Variants in PSTPIP1 observed in about 807,000 individuals in gnomAD.
PSTPIP1 encodes the protein proline-serine-threonine phosphatase-interacting protein 1.
A neutral mutation model predicts 69.6 loss-of-function variants in PSTPIP1; 66 were observed. That is an observed-to-expected ratio of 0.95 (90% CI 0.78 to 1.16). PSTPIP1 has a LOEUF of 1.16. Ranked by LOEUF, PSTPIP1 falls within the 50% of genes most tolerant of loss-of-function variation. The pLI is 0.00. For synonymous variants in PSTPIP1, 266 were observed against 222.7 expected (o/e 1.19, Z -1.73); for missense variants, 603 against 557.4 (o/e 1.08, Z -0.82).
chr15:77,014,529 G>C (rs2076011198), intron 1 of PSTPIP1, among the ~76,000 whole-genome samples: 2 of 152,222 alleles, frequency 1.3e-5, no homozygotes, highest in South Asian at 4.1e-4. Context: ...CCCGAAAGGG[G>C]GTTAGCCTCC....
rs1471701188 is a variant in PSTPIP1, at chr15:76,995,137, C to T, written c.-437C>T. On this transcript the variant is annotated 5_prime_UTR_variant, in exon 1 of 15. Transcript: ENST00000558012. ...GGGGGAGGTTGCACAAACCTTCCTG[C>T]GCAGGCCTCGGGCTGCCTGCCTGCC... 6 of 1,136,974 alleles carry T rather than the reference C, an allele frequency of 5.3e-6. No individual in the cohort carries two copies. Among genetic ancestry groups the T allele is most frequent in the African/African-American group, 1.6e-5 (1 of 61,454 alleles). 70.4% of individuals were successfully genotyped at this position (1,136,974 alleles called of 1,614,324 possible).
intron 3 of PSTPIP1, among the ~76,000 whole-genome samples, chr15:77,019,773 G>C (rs1047179152): frequency 6.6e-6 from 1 of 152,214 alleles, no homozygotes; most frequent in Non-Finnish European, 1.5e-5. Flanking sequence ...GCTGGGCACA[G>C]AGGAGGGCTC....
intron 1 of PSTPIP1, among the ~76,000 whole-genome samples, chr15:77,012,700 G>A (rs551995481): frequency 6.6e-5 from 10 of 152,188 alleles, no homozygotes; most frequent in East Asian, 1.9e-4. Flanking sequence ...CTCTGTTTCC[G>A]TATCTATACA....
intron 1 of PSTPIP1, among the ~76,000 whole-genome samples, chr15:76,998,739 C>T (rs897856893): frequency 2.0e-5 from 3 of 152,220 alleles, no homozygotes; most frequent in African/African-American, 7.2e-5. Flanking sequence ...TGGGAGCAGA[C>T]ACAGTCCTGT....
intron 5 of PSTPIP1, among the ~76,000 whole-genome samples, chr15:77,026,596 C>T (rs540442170): frequency 6.6e-6 from 1 of 152,218 alleles, no homozygotes; most frequent in Non-Finnish European, 1.5e-5. Context: ...CCAAGCCATG[C>T]GCCCCTCAGT....
rs374682350 is a variant in PSTPIP1, at chr15:77,035,856, C to T, written c.1040C>T (p.Ala347Val). 4 of 1,610,726 alleles carry T rather than the reference C, an allele frequency of 2.5e-6. No homozygotes were observed. The highest frequency in any genetic ancestry group is 1.7e-6 in the Non-Finnish European group (2 of 1,179,668). Residue 347 changes from alanine (A) to valine (V), a missense_variant, in exon 14 of 15, where the codon GCC (alanine) becomes GTC (valine). Transcript: ENST00000558012. ...GAGCGGAATGAGGGTGTCTACACAG[C>T]CATCGCAGTGCAGGAGATACAGGGA... The part of the protein sequence containing the change: ...TPERNEGVYT[A>V]IAVQEIQGNP...
At chr15:77,033,504 A>G (rs376017101) in intron 12 of PSTPIP1, among the ~76,000 whole-genome samples, 1 of 152,194 alleles carries the variant, frequency 6.6e-6, no homozygotes, top group African/African-American at 2.4e-5. Context: ...GACGAAGGTG[A>G]CAGCCCATTG....
At chr15:76,999,692 G>A (rs937389978) in intron 1 of PSTPIP1, 1 of 152,242 alleles carries the variant, frequency 6.6e-6, no homozygotes, top group Admixed American at 6.5e-5. Context: ...TCAGATGAAT[G>A]AAACTGTCTT....
At chr15:77,009,998 G>T (rs537444496) in intron 1 of PSTPIP1, among the ~76,000 whole-genome samples, 1 of 152,322 alleles carries the variant, frequency 6.6e-6, no homozygotes, top group East Asian at 1.9e-4. Flanking sequence ...TGCTCTTCCT[G>T]TGAAGACGCC....
Position 77,027,938 on chromosome 15 carries a change from C to T in PSTPIP1, c.417+24C>T, listed in dbSNP as rs1282581740. ...AGGTGAGCGCCAGGGCCTGGGGCCG[C>T]GGCCTTCCCTCGAGGAGCAGCGCAG... On this transcript the variant is annotated intron_variant, in intron 6 of 14. Transcript: ENST00000558012. The surrounding 1 kb of genome is among the most constrained non-coding windows in gnomAD (Gnocchi z 4.3). 1.3e-6 allele frequency: 2 copies of T among 1,537,554 alleles called. No individual in the cohort carries two copies. Among genetic ancestry groups the T allele is most frequent in the South Asian group, 2.4e-5 (2 of 83,730 alleles).
intron 1 of PSTPIP1, among the ~76,000 whole-genome samples, chr15:77,001,908 G>A (rs1303052156): frequency 2.0e-5 from 3 of 152,172 alleles, no homozygotes; most frequent in Non-Finnish European, 4.4e-5. Context: ...GGCTGTGAAC[G>A]TTTTCAGGAT....
intron 5 of PSTPIP1, 39 bp downstream of exon 5, chr15:77,025,643 T>C (rs12906071): frequency 1.3e-6 from 2 of 1,494,210 alleles, no homozygotes; most frequent in Non-Finnish European, 1.8e-6. Flanking sequence ...TGCTCCCCCA[T>C]TGCCAGCCTC....
intron 3 of PSTPIP1, among the ~76,000 whole-genome samples, chr15:77,022,693 G>A (rs2076185503): frequency 6.6e-6 from 1 of 152,222 alleles, no homozygotes; most frequent in Non-Finnish European, 1.5e-5. Context: ...ACAGAGCTGA[G>A]GCTGCCTCCT....
chr15:77,012,817 C>A (rs1040286960), intron 1 of PSTPIP1, among the ~76,000 whole-genome samples: 1 of 152,232 alleles, frequency 6.6e-6, no homozygotes, highest in African/African-American at 2.4e-5. Flanking sequence ...AATCTGCAAG[C>A]AAATGATCTG....
Position 77,032,285 on chromosome 15 carries a change from T to C in PSTPIP1, c.742-13T>C. ...GGGCATCGGGCTGCGGCCTCTGCTC[T>C]TTCCTGCCCCAGCTCTACGAGGAAG... is the stretch of plus-strand genomic sequence containing the variant. On this transcript the variant is annotated splice_polypyrimidine_tract_variant and intron_variant, in intron 10 of 14. Transcript: ENST00000558012. The C allele has an allele frequency of 1.2e-6, 2 of 1,611,968 alleles. No homozygotes were observed. Among genetic ancestry groups the C allele is most frequent in the Non-Finnish European group, 1.7e-6 (2 of 1,179,370 alleles).
At chr15:77,036,025 T>G in intron 14 of PSTPIP1, 90 bp downstream of exon 14, 6 of 1,415,980 alleles carry the variant, frequency 4.2e-6, no homozygotes, top group Admixed American at 2.6e-5. Flanking sequence ...TCCTCATCTC[T>G]CCTCATGGTT....
At chr15:77,013,430 G>A (rs981418198) in intron 1 of PSTPIP1, among the ~76,000 whole-genome samples, 8 of 152,142 alleles carry the variant, frequency 5.3e-5, no homozygotes, top group Non-Finnish European at 8.8e-5. Flanking sequence ...GGCACAGGCC[G>A]TGACTGTAAA....
chr15:77,037,428 G>A lies in PSTPIP1; in HGVS notation c.*252G>A. ...AAGGAACAAGGGAAGGAGCCTGGAT[G>A]TGGAGCTCCCCAACTCAGCCGAGGC... is the stretch of plus-strand genomic sequence containing the variant. On this transcript the variant is annotated 3_prime_UTR_variant, in exon 15 of 15. Transcript: ENST00000558012. 2.5e-6 allele frequency: 1 copy of A among 399,562 alleles called. No homozygotes were observed. Among genetic ancestry groups the A allele is most frequent in the South Asian group, 2.9e-5 (1 of 34,478 alleles). 24.8% of individuals were successfully genotyped at this position (399,562 alleles called of 1,614,324 possible).
At chr15:77,025,400 TTGGGGC>T (rs796945203) in intron 4 of PSTPIP1, 82 bp downstream of exon 4, 9 of 1,580,234 alleles carry the variant, frequency 5.7e-6, no homozygotes, top group South Asian at 3.3e-5. Context: ...AGATGAGGTG[TTGGGGC>T]TGGGGCTGGG....
Sources: allele counts gnomAD v4.1 joint callset (sites outside exome capture counted in the v4.1 genomes callset), GRCh38; gene constraint gnomAD v4.1.1; non-coding constraint Gnocchi (gnomAD v3.1); transcripts MANE v1.5; gene names NCBI Gene and HGNC (gene_info 2026-07-23, HGNC 2026-07-21).